Variants in ZNF106 observed in about 807,000 individuals in gnomAD.
ZNF106 encodes the protein SH3-domain binding protein 3.
A neutral mutation model predicts 195.1 loss-of-function variants in ZNF106; 67 were observed. The ratio of observed to expected loss-of-function variants is 0.34; its 90% CI spans 0.28 to 0.42. The LOEUF (loss-of-function observed/expected upper bound fraction) is 0.42, where lower values mean the gene tolerates loss of function less well. Ranked by LOEUF, ZNF106 falls within the 10% of genes least tolerant of loss-of-function variation. The pLI, the probability that ZNF106 is intolerant of heterozygous loss-of-function variation, is 1.00. For synonymous variants in ZNF106, 784 were observed against 818.6 expected (o/e 0.96, Z 0.72); for missense variants, 2,118 against 2,304.5 (o/e 0.92, Z 1.66).
intron 14 of ZNF106, among the ~76,000 whole-genome samples, chr15:42,432,148 A>G (rs148364604): frequency 6.6e-6 from 1 of 152,070 alleles, no homozygotes; most frequent in Non-Finnish European, 1.5e-5. Flanking sequence ...TTTCTCCAGT[A>G]GTATTCCTTG....
chr15:42,480,838 A>G (rs1358232735), intron 1 of ZNF106, among the ~76,000 whole-genome samples: 1 of 152,104 alleles, frequency 6.6e-6, no homozygotes, highest in East Asian at 1.9e-4. Flanking sequence ...TACAAAAATT[A>G]GCTGGGCGTG....
chr15:42,470,271 C>T (rs900931636), intron 2 of ZNF106, among the ~76,000 whole-genome samples: 1 of 152,128 alleles, frequency 6.6e-6, no homozygotes, highest in African/African-American at 2.4e-5. Context: ...AACCTTTTCT[C>T]CTCCATAGTT....
intron 6 of ZNF106, 80 bp from the exon 7 acceptor site, chr15:42,446,738 G>T: frequency 8.1e-7 from 1 of 1,232,140 alleles, no homozygotes; most frequent in Non-Finnish European, 1.1e-6. Context: ...TCAATTCTAA[G>T]ATAGCCATAC....
intron 4 of ZNF106, among the ~76,000 whole-genome samples, chr15:42,452,266 T>C (rs2056059210): frequency 6.6e-6 from 1 of 152,198 alleles, no homozygotes; most frequent in Non-Finnish European, 1.5e-5. Context: ...CTCACATCTA[T>C]AATTCCAGCA....
At chr15:42,446,365 G>A (rs2055769621) in intron 7 of ZNF106, among the ~76,000 whole-genome samples, 1 of 152,102 alleles carries the variant, frequency 6.6e-6, no homozygotes, top group South Asian at 2.1e-4. Flanking sequence ...AGGATCACTG[G>A]AGTCCAGGAG....
At chr15:42,484,987 C>T (rs568630692) in intron 1 of ZNF106, among the ~76,000 whole-genome samples, 48 of 151,978 alleles carry the variant, frequency 3.2e-4, no homozygotes, top group African/African-American at 1.1e-3. Flanking sequence ...GGCAAAACCC[C>T]GTTTCTACAA....
At chr15:42,418,233 A>T (rs557583534) in intron 20 of ZNF106, among the ~76,000 whole-genome samples, 1 of 152,354 alleles carries the variant, frequency 6.6e-6, no homozygotes, top group East Asian at 1.9e-4. Context: ...GCAAATGTTT[A>T]TGGGTAAATT....
rs1438869693 is a variant in ZNF106, at chr15:42,450,345, G to C, written c.1927C>G (p.Arg643Gly). 6.2e-7 allele frequency: 1 copy of C among 1,614,156 alleles called. No homozygotes were observed. The highest frequency in any genetic ancestry group is 8.5e-7 in the Non-Finnish European group (1 of 1,180,022). ...ATTELLSGST[R>G]TADEKEEDDR... is the part of the protein sequence containing the mutation. ...TCCTCCTCTTTCTCATCAGCAGTTC[G>C]AGTGCTGCCAGATAACAATTCTGTA... is the stretch of plus-strand genomic sequence containing the variant. Residue 643 changes from arginine (R) to glycine (G), a missense_variant, in exon 5 of 22, where the codon CGA becomes GGA. Physicochemically the swap from Arg to Gly is moderately radical, Grantham distance 125 (BLOSUM62 -2). Coordinates refer to ENST00000564754, the MANE Select transcript of ZNF106 (RefSeq NM_001366845.3).
chr15:42,456,391 G>A (rs1419297585), intron 4 of ZNF106, among the ~76,000 whole-genome samples: 1 of 152,176 alleles, frequency 6.6e-6, no homozygotes, highest in East Asian at 1.9e-4. Context: ...GCTCACGCCT[G>A]TAATTCCAGC....
chr15:42,434,483 A>C (rs2055194630), intron 14 of ZNF106, among the ~76,000 whole-genome samples: 1 of 152,154 alleles, frequency 6.6e-6, no homozygotes. Context: ...AGTTCAAATT[A>C]ATACTTATTC....
intron 1 of ZNF106, among the ~76,000 whole-genome samples, chr15:42,480,902 T>C (rs1225075665): frequency 3.3e-5 from 5 of 152,064 alleles, no homozygotes. Flanking sequence ...GGAGAATCAC[T>C]TGAACCCAGG....
chr15:42,449,591 T>A (rs1260192251), intron 5 of ZNF106, among the ~76,000 whole-genome samples, 180 bp downstream of exon 5: 1 of 152,216 alleles, frequency 6.6e-6, no homozygotes, highest in Non-Finnish European at 1.5e-5. Context: ...TGCTAGGAAA[T>A]ACTTTATTCC....
chr15:42,485,590 G>T, intron 1 of ZNF106, among the ~76,000 whole-genome samples: 1 of 152,148 alleles, frequency 6.6e-6, no homozygotes, highest in Non-Finnish European at 1.5e-5. Flanking sequence ...GTGTGTGTGT[G>T]TGAGTACACC....
chr15:42,463,175 G>A (rs1383089049), intron 3 of ZNF106, among the ~76,000 whole-genome samples: 2 of 152,068 alleles, frequency 1.3e-5, no homozygotes, highest in Admixed American at 1.3e-4. Context: ...AATGCAATGG[G>A]CTTCTCTCCT....
chr15:42,429,119 G>T (rs1056600168), intron 14 of ZNF106, among the ~76,000 whole-genome samples: 1 of 151,592 alleles, frequency 6.6e-6, no homozygotes, highest in Non-Finnish European at 1.5e-5. Flanking sequence ...CTAGAACCAA[G>T]AATTGGGACA....
rs886547349 is a variant in ZNF106, at chr15:42,491,124, A to C, written c.-177T>G. 3.9e-5 allele frequency: 6 copies of C among 152,366 alleles called. No homozygotes were observed. Among genetic ancestry groups the C allele is most frequent in the African/African-American group, 1.4e-4 (6 of 41,444 alleles). The allele number at this position is 152,366 out of a possible 1,614,324, so 9.4% of individuals were successfully genotyped here. A position where few individuals can be genotyped will look rare whatever the true frequency, so the allele number is the denominator to read the frequency against. The stretch of plus-strand genomic sequence containing the variant: ...GCCGGGCCCCGCCACAGCCGCCGCC[A>C]ACGCGCAGGCGCACACCGAAGCCGT... On this transcript the variant is annotated 5_prime_UTR_variant, in exon 1 of 22. Coordinates refer to ENST00000564754, the MANE Select transcript of ZNF106 (RefSeq NM_001366845.3).
chr15:42,451,289 T>G lies in ZNF106; in HGVS notation c.983A>C (p.Lys328Thr). 2 of 1,614,158 alleles carry G rather than the reference T, an allele frequency of 1.2e-6. No homozygotes were observed. The highest frequency in any genetic ancestry group is 1.3e-5 in the African/African-American group (1 of 75,042). Reference protein sequence around the residue: ...RGPSEGFTSDKFPSEGLLDFN... With the variant: ...RGPSEGFTSDTFPSEGLLDFN... ...GTCGAGTAAGCCTTCTGAAGGAAAT[T>G]TATCACTTGTAAATCCTTCAGAAGG... Residue 328 changes from lysine (K) to threonine (T), a missense_variant, in exon 5 of 22, where the codon AAA becomes ACA. Coordinates refer to ENST00000564754, the MANE Select transcript of ZNF106 (RefSeq NM_001366845.3).
rs374988829 is a variant in ZNF106, at chr15:42,423,616, G to C, written c.5253+382C>G. Among the ~76,000 whole-genome samples, 9 of 152,194 alleles carry C rather than the reference G, an allele frequency of 5.9e-5. No homozygotes were observed. In the East Asian group the frequency reaches 1.7e-3, roughly 30 times the overall value. The stretch of plus-strand genomic sequence containing the variant: ...TGGTCTCAAACTCCTGGCCTCAAGT[G>C]ATCTTCCCACCTCAGCCTTCTGAGT... On this transcript the variant is annotated intron_variant, in intron 17 of 21. Coordinates refer to ENST00000564754, the MANE Select transcript of ZNF106 (RefSeq NM_001366845.3).
intron 4 of ZNF106, among the ~76,000 whole-genome samples, chr15:42,455,250 T>C (rs1203292671): frequency 1.3e-5 from 2 of 152,224 alleles, no homozygotes; most frequent in Non-Finnish European, 2.9e-5. Context: ...GCTTTGGATT[T>C]TGGAATATTT....
Sources: allele counts gnomAD v4.1 joint callset (sites outside exome capture counted in the v4.1 genomes callset), GRCh38; gene constraint gnomAD v4.1.1; transcripts MANE v1.5; gene names NCBI Gene and HGNC (gene_info 2026-07-23, HGNC 2026-07-21).